The following ALG9 variants were observed in gnomAD, a reference collection of about 807,000 sequenced individuals.
ALG9 encodes the protein ALG9 alpha-1,2-mannosyltransferase, also known as alpha-1,2-mannosyltransferase ALG9.
ALG9 carries 55 observed loss-of-function variants against 81.8 expected under a neutral mutation model. The ratio of observed to expected loss-of-function variants is 0.67; its 90% CI spans 0.54 to 0.84. The LOEUF is 0.84. ALG9 is among the 40% of genes least tolerant of loss of function. The pLI is 0.00. For missense variants in ALG9, 629 were observed against 745.0 expected (o/e 0.84, Z 1.81); for synonymous variants, 278 against 274.3 (o/e 1.01, Z -0.13).
intron 14 of ALG9, among the ~76,000 whole-genome samples, chr11:111,797,463 C>T (rs531622051): frequency 1.3e-5 from 2 of 152,338 alleles, no homozygotes; most frequent in African/African-American, 4.8e-5. Flanking sequence ...ATGGCTAATG[C>T]ATTACAGATC....
chr11:111,790,694 G>A (rs1947266051), intron 14 of ALG9, among the ~76,000 whole-genome samples: 1 of 152,136 alleles, frequency 6.6e-6, no homozygotes, highest in South Asian at 2.1e-4. Context: ...GATTACAGAA[G>A]AGAAATGCAA....
chr11:111,773,004 C>T, the ALG9 span, among the ~76,000 whole-genome samples: 1 of 151,616 alleles, frequency 6.6e-6, no homozygotes, highest in African/African-American at 2.4e-5. Flanking sequence ...TCTGGGAGGC[C>T]GAGGCAGGCG....
intron 14 of ALG9, among the ~76,000 whole-genome samples, chr11:111,790,438 G>A (rs1469238817): frequency 6.6e-6 from 1 of 152,086 alleles, no homozygotes; most frequent in East Asian, 1.9e-4. Context: ...AGGGCAACCT[G>A]GGCAAACACA....
chr11:111,811,246 G>A (rs1382998920), intron 13 of ALG9, among the ~76,000 whole-genome samples: 1 of 152,044 alleles, frequency 6.6e-6, no homozygotes, highest in Non-Finnish European at 1.5e-5. Context: ...CCATAAAAAA[G>A]TATAGAATCT....
intron 14 of ALG9, chr11:111,798,213 A>T: frequency 3.2e-6 from 1 of 313,728 alleles, no homozygotes; most frequent in Non-Finnish European, 6.3e-6. Context: ...AAAAAGAAAA[A>T]AATAGAGAAA....
At chr11:111,793,407 G>A (rs1421245975) in intron 14 of ALG9, among the ~76,000 whole-genome samples, 3 of 152,116 alleles carry the variant, frequency 2.0e-5, no homozygotes, top group Non-Finnish European at 1.5e-5. Context: ...GGGGCATTTT[G>A]AATTGTTATA....
intron 9 of ALG9, among the ~76,000 whole-genome samples, chr11:111,843,065 A>G (rs1956465522): frequency 1.3e-5 from 2 of 152,190 alleles, no homozygotes; most frequent in African/African-American, 4.8e-5. Context: ...AACTATATGC[A>G]CGTGCCACTG....
rs1443423271 is a variant in ALG9, at chr11:111,837,633, TAGTG to T, written c.1325-22_1325-19del. ...GTGATATCCTGGAAGGGAGAACAGT[TAGTG>T]AGAGCCAGAGATGAGTAAGATGAGA... On this transcript the variant is annotated intron_variant, in intron 11 of 14. Transcript: ENST00000616540. 5 of 1,613,350 alleles carry T rather than the reference TAGTG, an allele frequency of 3.1e-6. No homozygotes were observed. The highest frequency in any genetic ancestry group is 1.3e-5 in the African/African-American group (1 of 74,910).
intron 4 of ALG9, chr11:111,864,276 C>A: frequency 1.8e-6 from 2 of 1,134,380 alleles, no homozygotes; most frequent in Non-Finnish European, 2.7e-6. Flanking sequence ...TCCAGCGTTG[C>A]CGCTATGAAG....
Position 111,838,366 on chromosome 11 carries a change from A to C in ALG9, c.1207T>G (p.Phe403Val). 6.2e-7 allele frequency: 1 copy of C among 1,613,558 alleles called. No homozygotes were observed. The highest frequency in any genetic ancestry group is 8.5e-7 in the Non-Finnish European group (1 of 1,179,430). ...TCCAGGCGATATCGTTGAAACACAA[A>C]GTGGTAACATTTCTGGAAGTACAGA... ...SFLYFQKCYH[F>V]VFQRYRLEHY... Residue 403 changes from phenylalanine to valine, a missense_variant, in exon 11 of 15, where the codon TTT becomes GTT. Phe to Val is a conservative substitution (Grantham distance 50, BLOSUM62 -1). Coordinates refer to ENST00000616540, the MANE Select transcript of ALG9 (RefSeq NM_024740.2).
chr11:111,796,769 T>A (rs1001999354), intron 14 of ALG9, among the ~76,000 whole-genome samples: 2 of 152,188 alleles, frequency 1.3e-5, no homozygotes, highest in African/African-American at 4.8e-5. Context: ...CTTCTTCCTG[T>A]TTCTCAGTAT....
chr11:111,809,697 G>C lies in ALG9; in HGVS notation c.1679C>G (p.Ser560Cys). Reference protein sequence around the residue: ...RETPREPKYSSNKEEWISLAY... With the variant: ...RETPREPKYSCNKEEWISLAY... ...CAAGCTGATCCATTCTTCTTTATTGGATGAATATTTTGGCTCCCGGGGTGT... is the reference window on the plus strand; with the variant it reads ...CAAGCTGATCCATTCTTCTTTATTGCATGAATATTTTGGCTCCCGGGGTGT... The change falls in exon 14 of 15, where the codon TCC (serine) becomes TGC (cysteine). Residue 560 changes from serine to cysteine, a missense_variant. Coordinates refer to ENST00000616540, the MANE Select transcript of ALG9 (RefSeq NM_024740.2). 6.2e-7 allele frequency: 1 copy of C among 1,614,028 alleles called. No individual in the cohort carries two copies. The highest frequency in any genetic ancestry group is 8.5e-7 in the Non-Finnish European group (1 of 1,179,966).
chr11:111,788,199 C>G (rs1326791572), intron 14 of ALG9, among the ~76,000 whole-genome samples: 13 of 152,188 alleles, frequency 8.5e-5, no homozygotes, highest in Admixed American at 6.5e-4. Flanking sequence ...TACTGGCAGC[C>G]TAACCTTGGG....
chr11:111,798,670 T>C (rs1279309557), intron 14 of ALG9, among the ~76,000 whole-genome samples: 1 of 152,160 alleles, frequency 6.6e-6, no homozygotes, highest in Non-Finnish European at 1.5e-5. Context: ...GTCTAAAAAG[T>C]GATATTGTCA....
Position 111,809,730 on chromosome 11 carries a change from A to G in ALG9, c.1646T>C (p.Met549Thr). The change falls in exon 14 of 15, where the codon ATG (methionine) becomes ACG (threonine). Residue 549 changes from methionine (M) to threonine (T), a missense_variant. Met to Thr is a moderately conservative substitution (Grantham distance 81). This residue lies in a region of ALG9 where 264 missense variants were observed against 302.2 expected (regional missense o/e 0.87). Transcript: ENST00000616540. ...KCHYLVDLDTMRETPREPKYS... is the reference protein window; with the variant it reads ...KCHYLVDLDTTRETPREPKYS... Reference sequence around the variant, plus strand: ...TTTTGGCTCCCGGGGTGTTTCTCTCATGGTGTCCAAATCCACTAAATAATG... The same window carrying G: ...TTTTGGCTCCCGGGGTGTTTCTCTCGTGGTGTCCAAATCCACTAAATAATG... The G allele has an allele frequency of 6.2e-7, 1 of 1,614,094 alleles. No individual in the cohort carries two copies. The highest frequency in any genetic ancestry group is 8.5e-7 in the Non-Finnish European group (1 of 1,179,980).
intron 13 of ALG9, among the ~76,000 whole-genome samples, chr11:111,816,145 T>G (rs147218579): frequency 3.3e-5 from 5 of 152,232 alleles, no homozygotes; most frequent in African/African-American, 1.2e-4. Flanking sequence ...CTTTTGAGTA[T>G]TGAATTTGTT....
chr11:111,779,456 T>C (rs1468733416), downstream of ALG9, among the ~76,000 whole-genome samples: 1 of 152,114 alleles, frequency 6.6e-6, no homozygotes, highest in Non-Finnish European at 1.5e-5. Flanking sequence ...CTTTTGGCTG[T>C]TGGGACCACC....
the ALG9 span, chr11:111,769,141 T>TAAAA: frequency 1.7e-5 from 2 of 117,166 alleles, no homozygotes; most frequent in Admixed American, 9.2e-5. Flanking sequence ...ACCCCATCTC[T>TAAAA]AAAAAAAAAA....
intron 9 of ALG9, among the ~76,000 whole-genome samples, chr11:111,843,992 T>A (rs918444481): frequency 6.6e-6 from 1 of 152,178 alleles, no homozygotes; most frequent in Non-Finnish European, 1.5e-5. Context: ...AAAACTCAAA[T>A]AGGCTTGTTC....
Sources: gnomAD v4.1 joint callset for allele counts (sites outside exome capture counted in the v4.1 genomes callset) on GRCh38, gnomAD v4.1.1 for gene constraint, gnomAD v4.1.1 regional missense constraint, MANE v1.5 for transcripts, NCBI Gene and HGNC (gene_info 2026-07-23, HGNC 2026-07-21) for gene names.